C1QL2: variants seen among roughly 807,000 people sequenced by gnomAD.
C1QL2 encodes the protein complement C1q-like protein 2.
A neutral mutation model predicts 16.6 loss-of-function variants in C1QL2; 13 were observed. The ratio of observed to expected loss-of-function variants is 0.78; its 90% CI spans 0.51 to 1.25. The LOEUF is 1.25. Among genes scored for constraint, C1QL2 ranks in the 50% most tolerant of loss-of-function variants. The pLI is 0.00. For synonymous variants in C1QL2, 210 were observed against 183.2 expected (o/e 1.15, Z -1.18); for missense variants, 396 against 409.6 (o/e 0.97, Z 0.29).
intron 1 of C1QL2, 101 bp downstream of exon 1, chr2:119,157,485 G>A: frequency 7.1e-7 from 1 of 1,401,314 alleles, no homozygotes; most frequent in Non-Finnish European, 9.8e-7. Flanking sequence ...CCCGGGGCTC[G>A]CAGGGTAGCC....
In C1QL2 at chr2:119,158,124, G is replaced by A; in HGVS notation, c.146C>T (p.Ala49Val). 1.3e-6 allele frequency: 2 copies of A among 1,545,886 alleles called. No individual in the cohort carries two copies. Among genetic ancestry groups the A allele is most frequent in the Non-Finnish European group, 1.7e-6 (2 of 1,147,950 alleles). The change falls in exon 1 of 2, where the codon GCG (alanine) becomes GTG (valine). Residue 49 changes from alanine to valine, a missense_variant. This residue lies in a region of C1QL2 where 353 missense variants were observed against 334.8 expected (regional missense o/e 1.05). Transcript: ENST00000272520. ...GGCGGTGCTGGGTCCGGGTGGCTGCGCCTTTGCACCCGGGGGCTCCCCGCC... is the reference window on the plus strand; with the variant it reads ...GGCGGTGCTGGGTCCGGGTGGCTGCACCTTTGCACCCGGGGGCTCCCCGCC... ...APGGEPPGAK[A>V]QPPGPSTAAL... is the part of the protein sequence containing the mutation.
chr2:119,157,536 A>C (rs774626869), intron 1 of C1QL2, 50 bp downstream of exon 1: 2 of 1,542,752 alleles, frequency 1.3e-6, no homozygotes, highest in Admixed American at 3.9e-5. Context: ...TGGGAGGTTC[A>C]GGGCGCGGGC....
Position 119,158,179 on chromosome 2 carries a change from T to A in C1QL2, c.91A>T (p.Met31Leu). Residue 31 changes from methionine to leucine, a missense_variant, in exon 1 of 2, where the codon ATG becomes TTG. Physicochemically the swap from Met to Leu is conservative, Grantham distance 15. Coordinates refer to ENST00000272520, the MANE Select transcript of C1QL2 (RefSeq NM_182528.4). The stretch of plus-strand genomic sequence containing the variant: ...GCGGCAGTGTAAGGGTCGCAGATCA[T>A]GCGGCAGGTGCCCATCATCTCATAG... ...AHYEMMGTCR[M>L]ICDPYTAAPG... 6.3e-7 allele frequency: 1 copy of A among 1,577,048 alleles called. No homozygotes were observed. The highest frequency in any genetic ancestry group is 8.6e-7 in the Non-Finnish European group (1 of 1,165,570).
At position 119,158,406 on chromosome 2, in the gene C1QL2, T is replaced by G; in HGVS notation, c.-137A>C. ...GCGCGGGCGGCCCCGCTCCCCGCGCTCGGGGACCGGCTCCGCGGGTCCTGG... is the reference window on the plus strand; with the variant it reads ...GCGCGGGCGGCCCCGCTCCCCGCGCGCGGGGACCGGCTCCGCGGGTCCTGG... On this transcript the variant is annotated 5_prime_UTR_variant, in exon 1 of 2. Coordinates refer to ENST00000272520, the MANE Select transcript of C1QL2 (RefSeq NM_182528.4). 1 of 661,700 alleles carries G rather than the reference T, an allele frequency of 1.5e-6. No individual in the cohort carries two copies. Among genetic ancestry groups the G allele is most frequent in the Non-Finnish European group, 2.1e-6 (1 of 478,374 alleles). The allele number at this position is 661,700 out of a possible 1,614,324, so 41.0% of individuals were successfully genotyped here.
rs1024353758 is a variant in C1QL2, at chr2:119,158,660, C to T, written c.-391G>A. 1 of 154,422 alleles carries T rather than the reference C, an allele frequency of 6.5e-6. No homozygotes were observed. Among genetic ancestry groups the T allele is most frequent in the African/African-American group, 2.4e-5 (1 of 41,586 alleles). The allele number at this position is 154,422 out of a possible 1,614,324, so 9.6% of individuals were successfully genotyped here. ...GTCTGCTTGCGGCGTCCGGCGCTGGCTCCGCGGCGCTGCCTCCCGCCAGGC... is the reference window on the plus strand; with the variant it reads ...GTCTGCTTGCGGCGTCCGGCGCTGGTTCCGCGGCGCTGCCTCCCGCCAGGC... On this transcript the variant is annotated 5_prime_UTR_variant, in exon 1 of 2. Coordinates refer to ENST00000272520, the MANE Select transcript of C1QL2 (RefSeq NM_182528.4).
intron 1 of C1QL2, 107 bp from the exon 2 acceptor site, chr2:119,157,088 G>T: frequency 7.7e-7 from 1 of 1,291,828 alleles, no homozygotes; most frequent in Non-Finnish European, 1.1e-6. Flanking sequence ...CTGCTTCAGG[G>T]TCCACACTCC....
rs374487230 is a variant in C1QL2, at chr2:119,157,092, A to G, written c.685-111T>C. 4.4e-5 allele frequency: 54 copies of G among 1,231,354 alleles called. 1 individual carries two copies. The highest frequency in any genetic ancestry group is 3.0e-4 in the East Asian group (13 of 42,746). 76.3% of individuals were successfully genotyped at this position (1,231,354 alleles called of 1,614,324 possible). A position where few individuals can be genotyped will look rare whatever the true frequency, so the allele number is the denominator to read the frequency against. On this transcript the variant is annotated intron_variant, in intron 1 of 1. Transcript: ENST00000272520. Reference sequence around the variant, plus strand: ...CCTCCCGCCTGCTGCTTCAGGGTCCACACTCCCACCCCAGCTCCATGTTCT... The same window carrying G: ...CCTCCCGCCTGCTGCTTCAGGGTCCGCACTCCCACCCCAGCTCCATGTTCT...
At chr2:119,157,072 CG>C in intron 1 of C1QL2, 91 bp from the exon 2 acceptor site, 2 of 1,449,948 alleles carry the variant, frequency 1.4e-6, no homozygotes, top group South Asian at 2.5e-5. Context: ...ACGGGCCTCC[CG>C]CCTGCTGCTT....
At position 119,158,386 on chromosome 2, in the gene C1QL2, G is replaced by A; in HGVS notation, c.-117C>T. The A allele has an allele frequency of 1.1e-6, 1 of 912,634 alleles. No homozygotes were observed. The highest frequency in any genetic ancestry group is 1.4e-6 in the Non-Finnish European group (1 of 699,640). The allele number at this position is 912,634 out of a possible 1,614,324, so 56.5% of individuals were successfully genotyped here. On this transcript the variant is annotated 5_prime_UTR_variant, in exon 1 of 2. Coordinates refer to ENST00000272520, the MANE Select transcript of C1QL2 (RefSeq NM_182528.4). Reference sequence around the variant, plus strand: ...GGGGAGGTAATGGTGGGGCGGCGCGGGCGGCCCCGCTCCCCGCGCTCGGGG... The same window carrying A: ...GGGGAGGTAATGGTGGGGCGGCGCGAGCGGCCCCGCTCCCCGCGCTCGGGG...
At chr2:119,157,554 T>G in intron 1 of C1QL2, 32 bp downstream of exon 1, 6 of 1,470,162 alleles carry the variant, frequency 4.1e-6, no homozygotes, top group Non-Finnish European at 3.6e-6. Context: ...GGCGAGGGTT[T>G]ACGGGGGCCG....
rs770773618 is a variant in C1QL2 at position 119,158,261 on chromosome 2, G to A, written c.9C>T (p.Leu3=). Residue 3 remains leucine (L), a synonymous_variant, in exon 1 of 2, where the codon CTC becomes CTT. Transcript: ENST00000272520. MA[L]GLLIAVPLLL... is the part of the protein sequence containing the mutation. ...GCAGCGGCACGGCGATGAGCAGCCC[G>A]AGCGCCATGGCCAAGAGTACGCCGA... is the stretch of plus-strand genomic sequence containing the variant. 129 of 1,537,000 alleles carry A rather than the reference G, an allele frequency of 8.4e-5. 1 individual carries two copies. In the Middle Eastern group the frequency reaches 2.0e-3, roughly 23 times the overall value.
chr2:119,157,166 G>C (rs945647474), intron 1 of C1QL2, among the ~76,000 whole-genome samples, 185 bp from the exon 2 acceptor site: 22 of 152,302 alleles, frequency 1.4e-4, no homozygotes, highest in African/African-American at 5.3e-4. Context: ...TCCTCGCGCC[G>C]ACGAGTCTGG....
chr2:119,157,770 C>A lies in C1QL2; in HGVS notation c.500G>T (p.Ser167Ile), dbSNP rs1677986567. 1 of 1,612,450 alleles carries A rather than the reference C, an allele frequency of 6.2e-7. No individual in the cohort carries two copies. Among genetic ancestry groups the A allele is most frequent in the Admixed American group, 1.7e-5 (1 of 59,762 alleles). The change falls in exon 1 of 2, where the codon AGC becomes ATC. Residue 167 changes from serine to isoleucine, a missense_variant. Ser to Ile is a moderately radical substitution (Grantham distance 142). Coordinates refer to ENST00000272520, the MANE Select transcript of C1QL2 (RefSeq NM_182528.4). Reference sequence around the variant, plus strand: ...CAGCACCTCATAGCCTTCGTGGGGGCTCTTGAGACCCACATAGAAGGCGAT... The same window carrying A: ...CAGCACCTCATAGCCTTCGTGGGGGATCTTGAGACCCACATAGAAGGCGAT... ...PKIAFYVGLK[S>I]PHEGYEVLKF... is the part of the protein sequence containing the mutation.
At position 119,158,390 on chromosome 2, in the gene C1QL2, G is replaced by T; in HGVS notation, c.-121C>A. ...AGGTAATGGTGGGGCGGCGCGGGCG[G>T]CCCCGCTCCCCGCGCTCGGGGACCG... On this transcript the variant is annotated 5_prime_UTR_variant, in exon 1 of 2. Coordinates refer to ENST00000272520, the MANE Select transcript of C1QL2 (RefSeq NM_182528.4). 2.3e-6 allele frequency: 2 copies of T among 867,664 alleles called. No homozygotes were observed. The highest frequency in any genetic ancestry group is 3.0e-6 in the Non-Finnish European group (2 of 662,392). 53.7% of individuals were successfully genotyped at this position (867,664 alleles called of 1,614,324 possible).
chr2:119,156,973 G>A lies in C1QL2; in HGVS notation c.693C>T (p.Ala231=), dbSNP rs1418404349. The A allele has an allele frequency of 1.2e-6, 2 of 1,613,704 alleles. No homozygotes were observed. The highest frequency in any genetic ancestry group is 1.7e-6 in the Non-Finnish European group (2 of 1,179,912). ...GGTCGGCGTCCTGTGCAATGGCGCTGGCCCGGACCTGGGGACAAGCGGTGG... is the reference window on the plus strand; with the variant it reads ...GGTCGGCGTCCTGTGCAATGGCGCTAGCCCGGACCTGGGGACAAGCGGTGG... ...ADLCKNGQVR[A]SAIAQDADQN... The change falls in exon 2 of 2, where the codon GCC becomes GCT. Residue 231 remains alanine (A), a synonymous_variant. Transcript: ENST00000272520.
chr2:119,158,096 G>A lies in C1QL2; in HGVS notation c.174C>T (p.Ala58=). The change falls in exon 1 of 2, where the codon GCC becomes GCT. Residue 58 remains alanine (A), a synonymous_variant. Transcript: ENST00000272520. ...KAQPPGPSTA[A]LEVMQDLSAN... is the part of the protein sequence containing the mutation. Reference sequence around the variant, plus strand: ...CGCTGAGGTCCTGCATGACTTCCAGGGCGGCGGTGCTGGGTCCGGGTGGCT... The same window carrying A: ...CGCTGAGGTCCTGCATGACTTCCAGAGCGGCGGTGCTGGGTCCGGGTGGCT... 1 of 1,529,820 alleles carries A rather than the reference G, an allele frequency of 6.5e-7. No homozygotes were observed. The allele number at this position is 1,529,820 out of a possible 1,614,324, so 94.8% of individuals were successfully genotyped here. A position where few individuals can be genotyped will look rare whatever the true frequency, so the allele number is the denominator to read the frequency against.
In C1QL2 at chr2:119,158,220, G is replaced by A. The variant is rs1398302535; in HGVS notation, c.50C>T (p.Pro17Leu). Residue 17 changes from proline (P) to leucine (L), a missense_variant, in exon 1 of 2, where the codon CCC (proline) becomes CTC (leucine). Around this residue, in one of 2 missense-constraint regions of C1QL2, gnomAD observed 353 missense variants for 334.8 expected, o/e 1.05. Transcript: ENST00000272520. ...IAVPLLLQAA[P>L]RGAAHYEMMG... is the part of the protein sequence containing the mutation. The stretch of plus-strand genomic sequence containing the variant: ...CATCTCATAGTGCGCGGCGCCTCGG[G>A]GCGCCGCCTGCAGCAGCAGCGGCAC... 6.4e-7 allele frequency: 1 copy of A among 1,572,972 alleles called. No individual in the cohort carries two copies. Among genetic ancestry groups the A allele is most frequent in the Admixed American group, 1.8e-5 (1 of 55,556 alleles).
intron 1 of C1QL2, 63 bp from the exon 2 acceptor site, chr2:119,157,044 A>T: frequency 6.4e-7 from 1 of 1,571,310 alleles, no homozygotes; most frequent in Non-Finnish European, 8.6e-7. Flanking sequence ...TGCTCAGCCC[A>T]CACCAGGCGC....
In C1QL2 at chr2:119,157,800, G is replaced by T. The variant is rs1484772397; in HGVS notation, c.470C>A (p.Pro157His). Reference protein sequence around the residue: ...TSALSATFSGPKIAFYVGLKS... With the variant: ...TSALSATFSGHKIAFYVGLKS... ...GAGACCCACATAGAAGGCGATCTTG[G>T]GGCCGCTGAAGGTGGCGCTCAGCGC... Residue 157 changes from proline (P) to histidine (H), a missense_variant, in exon 1 of 2, where the codon CCC becomes CAC. This residue lies in a region of C1QL2 where 353 missense variants were observed against 334.8 expected (regional missense o/e 1.05). Coordinates refer to ENST00000272520, the MANE Select transcript of C1QL2 (RefSeq NM_182528.4). 6.2e-7 allele frequency: 1 copy of T among 1,603,404 alleles called. No individual in the cohort carries two copies. Among genetic ancestry groups the T allele is most frequent in the Non-Finnish European group, 8.5e-7 (1 of 1,174,726 alleles).
Sources: allele counts gnomAD v4.1 joint callset (sites outside exome capture counted in the v4.1 genomes callset), GRCh38; gene constraint gnomAD v4.1.1; regional missense constraint gnomAD v4.1.1; transcripts MANE v1.5; gene names NCBI Gene and HGNC (gene_info 2026-07-23, HGNC 2026-07-21).